Variants in KCTD8 observed in about 807,000 individuals in gnomAD.
The protein encoded by KCTD8 is BTB/POZ domain-containing protein KCTD8.
KCTD8 carries 27 observed loss-of-function variants against 31.5 expected under a neutral mutation model. The ratio of observed to expected loss-of-function variants is 0.86; its 90% CI spans 0.63 to 1.18. KCTD8 has a LOEUF of 1.18. Among genes scored for constraint, KCTD8 ranks in the 50% most tolerant of loss-of-function variants. KCTD8 has a pLI of 0.00. For synonymous variants in KCTD8, 290 were observed against 280.0 expected (o/e 1.04, Z -0.36); for missense variants, 658 against 647.7 (o/e 1.02, Z -0.17).
chr4:44,386,004 A>G (rs1464971168), intron 1 of KCTD8, among the ~76,000 whole-genome samples: 2 of 151,600 alleles, frequency 1.3e-5, no homozygotes, highest in African/African-American at 4.8e-5. Flanking sequence ...CCAATGAGGT[A>G]CCACGTCACA....
intron 1 of KCTD8, among the ~76,000 whole-genome samples, chr4:44,312,628 C>A (rs990276584): frequency 2.0e-5 from 3 of 152,042 alleles, no homozygotes; most frequent in African/African-American, 4.8e-5. Flanking sequence ...ATTACATATC[C>A]CCCATCTCTG....
At chr4:44,239,881 G>A (rs1715399000) in intron 1 of KCTD8, among the ~76,000 whole-genome samples, 1 of 152,082 alleles carries the variant, frequency 6.6e-6, no homozygotes, top group African/African-American at 2.4e-5. Context: ...TTTTCAAAGT[G>A]GTTTGTCTTT....
At chr4:44,376,342 C>A (rs1208066975) in intron 1 of KCTD8, among the ~76,000 whole-genome samples, 3 of 152,098 alleles carry the variant, frequency 2.0e-5, no homozygotes, top group African/African-American at 7.2e-5. Context: ...TACTCAGAAG[C>A]TCTCCCAGCA....
chr4:44,388,167 C>T lies in KCTD8; in HGVS notation c.961+59396G>A, dbSNP rs1026845147. Among the ~76,000 whole-genome samples, 6 of 151,960 alleles carry T rather than the reference C, an allele frequency of 3.9e-5. No homozygotes were observed. The South Asian group carries it at 1.0e-3, about 26-fold the overall frequency. On this transcript the variant is annotated intron_variant, in intron 1 of 1. Coordinates refer to ENST00000360029, the MANE Select transcript of KCTD8 (RefSeq NM_198353.3). ...AAAACCATAATGGAGTACCATCTAA[C>T]ACGAGTCAGAATGGCTACTATTAAA...
chr4:44,425,589 C>A (rs1721326207), intron 1 of KCTD8, among the ~76,000 whole-genome samples: 1 of 151,958 alleles, frequency 6.6e-6, no homozygotes. Context: ...AATGCTTAGG[C>A]AGTAGTTGAT....
At chr4:44,204,559 A>C (rs868153602) in intron 1 of KCTD8, among the ~76,000 whole-genome samples, 1 of 152,124 alleles carries the variant, frequency 6.6e-6, no homozygotes, top group Non-Finnish European at 1.5e-5. Flanking sequence ...TAGAGTTGTG[A>C]GCCCTTAAAA....
At chr4:44,229,974 C>A (rs939609598) in intron 1 of KCTD8, among the ~76,000 whole-genome samples, 1 of 151,846 alleles carries the variant, frequency 6.6e-6, no homozygotes, top group Non-Finnish European at 1.5e-5. Flanking sequence ...CTCTCCCTCC[C>A]CCACCCCCTG....
chr4:44,176,997 A>G (rs1713237261), intron 1 of KCTD8, among the ~76,000 whole-genome samples: 1 of 152,326 alleles, frequency 6.6e-6, no homozygotes, highest in Middle Eastern at 3.4e-3. Flanking sequence ...GTAAGGAAAT[A>G]CACCATTACA....
chr4:44,189,823 C>T (rs1713708585), intron 1 of KCTD8, among the ~76,000 whole-genome samples: 1 of 152,124 alleles, frequency 6.6e-6, no homozygotes, highest in Non-Finnish European at 1.5e-5. Flanking sequence ...TTCTCTTAAA[C>T]CAGTTCCTCC....
chr4:44,185,405 A>G (rs1047113707), intron 1 of KCTD8, among the ~76,000 whole-genome samples: 3 of 152,220 alleles, frequency 2.0e-5, no homozygotes, highest in Non-Finnish European at 4.4e-5. Context: ...CTAAATATAT[A>G]TTCCTAAAAC....
intron 1 of KCTD8, among the ~76,000 whole-genome samples, chr4:44,338,905 C>G (rs1718823928): frequency 1.3e-5 from 2 of 152,062 alleles, no homozygotes; most frequent in African/African-American, 4.8e-5. Flanking sequence ...CTTATAGACA[C>G]ACATGAAAAT....
chr4:44,252,287 AT>A (rs148968516), intron 1 of KCTD8, among the ~76,000 whole-genome samples: 2 of 151,634 alleles, frequency 1.3e-5, no homozygotes, highest in Non-Finnish European at 3.0e-5. Context: ...CTAGTTCCAT[AT>A]TTTTTGCAAT....
At chr4:44,420,145 G>GA (rs1032036325) in intron 1 of KCTD8, among the ~76,000 whole-genome samples, 32 of 144,130 alleles carry the variant, frequency 2.2e-4, no homozygotes, top group South Asian at 7.2e-4. Flanking sequence ...TAAATCATAA[G>GA]AAAAAAAAAA....
At chr4:44,319,779 GA>G (rs1382627785) in intron 1 of KCTD8, among the ~76,000 whole-genome samples, 3 of 152,126 alleles carry the variant, frequency 2.0e-5, no homozygotes, top group Non-Finnish European at 4.4e-5. Flanking sequence ...AAAGAAACTG[GA>G]AGTTGCAAAT....
rs369611035 is a variant in KCTD8 at position 44,298,414 on chromosome 4, C to A, written c.962-123164G>T. ...CTTCACACTAATGATCTGCCCCCCCCACCTCTTTATTTTTCTGTATAATAA... is the reference window on the plus strand; with the variant it reads ...CTTCACACTAATGATCTGCCCCCCCAACCTCTTTATTTTTCTGTATAATAA... On this transcript the variant is annotated intron_variant, in intron 1 of 1. Transcript: ENST00000360029. Among the ~76,000 whole-genome samples, 443 of 151,366 alleles carry A rather than the reference C, an allele frequency of 2.9e-3. 1 individual carries two copies. Among genetic ancestry groups the A allele is most frequent in the Middle Eastern group, 0.014 (4 of 294 alleles).
intron 1 of KCTD8, among the ~76,000 whole-genome samples, chr4:44,247,425 G>A (rs767799411): frequency 6.6e-5 from 10 of 151,548 alleles, no homozygotes; most frequent in South Asian, 4.2e-4. Flanking sequence ...ACCTCTTTAC[G>A]GGCTATTACA....
chr4:44,393,073 A>G (rs140039843), intron 1 of KCTD8, among the ~76,000 whole-genome samples: 1 of 152,098 alleles, frequency 6.6e-6, no homozygotes, highest in East Asian at 1.9e-4. Flanking sequence ...AATAACACAA[A>G]ATGTGGGAAA....
At chr4:44,214,141 C>T (rs1482776833) in intron 1 of KCTD8, among the ~76,000 whole-genome samples, 1 of 152,196 alleles carries the variant, frequency 6.6e-6, no homozygotes, top group Non-Finnish European at 1.5e-5. Flanking sequence ...CAGGATCCTA[C>T]ATAAGCTTCA....
At chr4:44,255,785 T>C (rs1352165077) in intron 1 of KCTD8, among the ~76,000 whole-genome samples, 1 of 151,968 alleles carries the variant, frequency 6.6e-6, no homozygotes, top group African/African-American at 2.4e-5. Context: ...GAATAATGAA[T>C]ATTTTAGTAA....
Sources: allele counts gnomAD v4.1 joint callset (sites outside exome capture counted in the v4.1 genomes callset), GRCh38; gene constraint gnomAD v4.1.1; transcripts MANE v1.5; gene names NCBI Gene and HGNC (gene_info 2026-07-23, HGNC 2026-07-21).